Variants in OXR1 observed in about 807,000 individuals in gnomAD.
The protein encoded by OXR1 is oxidation resistance protein 1.
OXR1 carries 41 observed loss-of-function variants against 104.6 expected under a neutral mutation model. The observed-to-expected ratio is 0.39, with a 90% CI of 0.31 to 0.51. The LOEUF is 0.51. Among genes scored for constraint, OXR1 ranks in the 20% least tolerant of loss-of-function variants. The pLI is 0.77. For missense variants in OXR1, 955 were observed against 1,031.9 expected, an observed-to-expected ratio of 0.93 and a Z score of 1.02; for synonymous variants, 348 against 348.4, an observed-to-expected ratio of 1.00 and a Z score of 0.01.
chr8:106,292,092 C>T (rs1052641029), intron 1 of OXR1, among the ~76,000 whole-genome samples: 1 of 152,144 alleles, frequency 6.6e-6, no homozygotes, highest in Non-Finnish European at 1.5e-5. Context: ...TCCTTTTGTT[C>T]AGCGTATCCA....
chr8:106,307,690 G>A lies in OXR1; in HGVS notation c.-139+37323G>A, dbSNP rs924795749. On this transcript the variant is annotated intron_variant, in intron 1 of 16. Transcript: ENST00000517566. ...AAACCAGCTATAACAGGTACCTAGG[G>A]CTGTAGTTGGTTCCCAGTCATATAT... Among the ~76,000 whole-genome samples the A allele has an allele frequency of 5.6e-4, 85 of 152,036 alleles. 1 individual carries two copies. The highest frequency in any genetic ancestry group is 8.8e-5 in the Non-Finnish European group (6 of 68,012).
chr8:106,405,937 T>C (rs1007245114), intron 2 of OXR1, among the ~76,000 whole-genome samples: 6 of 152,210 alleles, frequency 3.9e-5, no homozygotes, highest in African/African-American at 1.2e-4. Context: ...AGGAGTTCTT[T>C]AACAGAACAA....
At chr8:106,485,820 C>T (rs1169274502) in intron 2 of OXR1, among the ~76,000 whole-genome samples, 1 of 151,912 alleles carries the variant, frequency 6.6e-6, no homozygotes, top group East Asian at 1.9e-4. Flanking sequence ...CATGGATGAA[C>T]CTGGAGGACA....
intron 7 of OXR1, chr8:106,697,294 G>C (rs1830139118): frequency 1.3e-6 from 1 of 751,146 alleles, no homozygotes; most frequent in Non-Finnish European, 2.2e-6. Context: ...GATAGGACAG[G>C]CTGAACCCCT....
chr8:106,509,330 G>A (rs1394636137), intron 2 of OXR1, among the ~76,000 whole-genome samples: 1 of 152,142 alleles, frequency 6.6e-6, no homozygotes, highest in East Asian at 1.9e-4. Context: ...GGAAATTTGT[G>A]TAATTTCAAA....
chr8:106,530,321 A>G (rs1814000174), intron 3 of OXR1, among the ~76,000 whole-genome samples: 1 of 152,054 alleles, frequency 6.6e-6, no homozygotes, highest in Non-Finnish European at 1.5e-5. Context: ...CTTTTATGAG[A>G]TGAAGTCTCA....
At chr8:106,282,422 G>C (rs1812327004) in intron 1 of OXR1, among the ~76,000 whole-genome samples, 1 of 152,062 alleles carries the variant, frequency 6.6e-6, no homozygotes, top group African/African-American at 2.4e-5. Flanking sequence ...AAGTATAGTT[G>C]ACTCGAACAA....
chr8:106,684,222 C>A, intron 5 of OXR1, 24 bp from the exon 6 acceptor site: 1 of 1,160,366 alleles, frequency 8.6e-7, no homozygotes, highest in Non-Finnish European at 1.3e-6. Context: ...TTAACTAAAT[C>A]TTTGTGTGAA....
rs572606063 is a variant in OXR1 at position 106,671,181 on chromosome 8, TC to T, written c.221-8028del. Among the ~76,000 whole-genome samples the T allele has an allele frequency of 4.7e-5, 7 of 150,248 alleles. No homozygotes were observed. In the South Asian group the frequency reaches 1.5e-3, roughly 32 times the overall value. On this transcript the variant is annotated intron_variant, in intron 3 of 16. Transcript: ENST00000517566. ...AAAAAAAAAAGGAAAAAATAGTGTT[TC>T]TACCTTCAATCATACAGCATTAAGA...
intron 2 of OXR1, among the ~76,000 whole-genome samples, chr8:106,399,637 G>GAGTC (rs1413620030): frequency 6.6e-6 from 1 of 152,144 alleles, no homozygotes; most frequent in African/African-American, 2.4e-5. Context: ...GAATAACCCA[G>GAGTC]AGTCATACAG....
chr8:106,619,949 C>G (rs1287355870), intron 3 of OXR1, among the ~76,000 whole-genome samples: 1 of 152,110 alleles, frequency 6.6e-6, no homozygotes, highest in Admixed American at 6.6e-5. Flanking sequence ...CTCTCTCCTC[C>G]TCCCTCCTAT....
intron 1 of OXR1, among the ~76,000 whole-genome samples, chr8:106,327,022 A>T (rs1814497779): frequency 6.6e-6 from 1 of 152,174 alleles, no homozygotes; most frequent in South Asian, 2.1e-4. Context: ...ATATATAATC[A>T]TTTTAATTTC....
At chr8:106,289,227 T>C (rs1294956551) in intron 1 of OXR1, among the ~76,000 whole-genome samples, 1 of 152,196 alleles carries the variant, frequency 6.6e-6, no homozygotes, top group African/African-American at 2.4e-5. Context: ...AAATAAGTTA[T>C]CAAGCTATCT....
At chr8:106,583,728 GATGTTGAGT>G (rs1818421020) in intron 3 of OXR1, among the ~76,000 whole-genome samples, 1 of 152,138 alleles carries the variant, frequency 6.6e-6, no homozygotes, top group African/African-American at 2.4e-5. Flanking sequence ...AGTAGTTGGT[GATGTTGAGT>G]ATTTTAAAAA....
chr8:106,363,557 G>A (rs532446748), intron 2 of OXR1, among the ~76,000 whole-genome samples: 23 of 141,860 alleles, frequency 1.6e-4, no homozygotes, highest in Admixed American at 5.7e-4. Flanking sequence ...GCATATATTC[G>A]TTTTTTTTTT....
intron 2 of OXR1, chr8:106,448,164 T>C (rs1820106341): frequency 8.1e-6 from 10 of 1,241,334 alleles, no homozygotes; most frequent in Non-Finnish European, 1.1e-5. Flanking sequence ...AAATCAAATC[T>C]TTGTGTTTAT....
intron 8 of OXR1, among the ~76,000 whole-genome samples, chr8:106,704,251 T>G (rs954825529): frequency 1.3e-5 from 2 of 151,706 alleles, no homozygotes; most frequent in Non-Finnish European, 2.9e-5. Context: ...GATAATGGGA[T>G]GAGACAAAGG....
In OXR1 at chr8:106,435,942, G is replaced by C. The variant is rs530178252; in HGVS notation, c.23+76306G>C. Among the ~76,000 whole-genome samples, 3 of 152,294 alleles carry C rather than the reference G, an allele frequency of 2.0e-5. No homozygotes were observed. In the East Asian group the frequency reaches 5.8e-4, roughly 29 times the overall value. ...ATCAAAAGTGGGTCAGATGGATGAA[G>C]AGTAAAGTAGAGCTTTATATTCTGG... On this transcript the variant is annotated intron_variant, in intron 2 of 16. Coordinates refer to ENST00000517566, the MANE Select transcript of OXR1 (RefSeq NM_001198533.2).
rs71562108 is a variant in OXR1, at chr8:106,582,177, C to CATATATATATATATATATATATAT, written c.220+63041_220+63064dup. Among the ~76,000 whole-genome samples, 109 of 119,272 alleles carry CATATATATATATATATATATATAT rather than the reference C, an allele frequency of 9.1e-4. 1 individual carries two copies. Among genetic ancestry groups the CATATATATATATATATATATATAT allele is most frequent in the African/African-American group, 3.9e-3 (102 of 25,910 alleles). 78.2% of individuals were successfully genotyped at this position (119,272 alleles called of 152,430 possible). A position where few individuals can be genotyped will look rare whatever the true frequency, so the allele number is the denominator to read the frequency against. On this transcript the variant is annotated intron_variant, in intron 3 of 16. Transcript: ENST00000517566. ...AGCAAGACAGATTTTTTTCTATTGA[C>CATATATATATATATATATATATAT]ATATATATATATATATATATATATA... is the stretch of plus-strand genomic sequence containing the variant.
Sources: gnomAD v4.1 joint callset for allele counts (sites outside exome capture counted in the v4.1 genomes callset) on GRCh38, gnomAD v4.1.1 for gene constraint, MANE v1.5 for transcripts, NCBI Gene and HGNC (gene_info 2026-07-23, HGNC 2026-07-21) for gene names.